Variants in COL23A1 observed in about 807,000 individuals in gnomAD.
The protein encoded by COL23A1 is collagen alpha-1(XXIII) chain.
In COL23A1, 97 loss-of-function variants were observed where a neutral mutation model predicts 99.3. That is an observed-to-expected ratio of 0.98 (90% CI 0.83 to 1.16). COL23A1 has a LOEUF of 1.16. Among genes scored for constraint, COL23A1 ranks in the 50% most tolerant of loss-of-function variants. The pLI, the probability that COL23A1 is intolerant of heterozygous loss-of-function variation, is 0.00. For missense variants in COL23A1, 762 were observed against 757.4 expected (o/e 1.01, Z -0.07); for synonymous variants, 320 against 308.2 (o/e 1.04, Z -0.40).
chr5:178,355,107 T>C (rs1391411783), intron 2 of COL23A1, among the ~76,000 whole-genome samples: 1 of 151,754 alleles, frequency 6.6e-6, no homozygotes. Context: ...ACTGTTTACA[T>C]AGCATTTACA....
chr5:178,526,181 G>A (rs1481507840), intron 2 of COL23A1, among the ~76,000 whole-genome samples: 3 of 152,210 alleles, frequency 2.0e-5, no homozygotes, highest in Non-Finnish European at 2.9e-5. Flanking sequence ...GTCGACTCCT[G>A]TGGGTTTTGC....
intron 1 of COL23A1, among the ~76,000 whole-genome samples, chr5:178,572,602 T>C (rs779199517): frequency 2.6e-5 from 4 of 152,252 alleles, no homozygotes; most frequent in Non-Finnish European, 5.9e-5. Flanking sequence ...AATGATGCGA[T>C]GGCCTTCAGC....
chr5:178,247,406 G>A (rs557678815), intron 22 of COL23A1, 120 bp downstream of exon 22: 2 of 1,158,466 alleles, frequency 1.7e-6, no homozygotes, highest in African/African-American at 1.5e-5. Flanking sequence ...CAGGCGCTGG[G>A]AAGACTCAGG....
chr5:178,514,516 AT>A (rs2127997695), intron 2 of COL23A1, among the ~76,000 whole-genome samples: 1 of 152,302 alleles, frequency 6.6e-6, no homozygotes, highest in Non-Finnish European at 1.5e-5. Flanking sequence ...TCCATTTTGT[AT>A]GTGGAAGCCC....
chr5:178,275,881 C>T (rs538760189), intron 5 of COL23A1, among the ~76,000 whole-genome samples: 1 of 152,192 alleles, frequency 6.6e-6, no homozygotes, highest in South Asian at 2.1e-4. Flanking sequence ...CTCCATGATC[C>T]CCTTAAACAC....
intron 2 of COL23A1, among the ~76,000 whole-genome samples, chr5:178,357,482 A>T (rs146618792): frequency 2.0e-4 from 30 of 152,282 alleles, no homozygotes; most frequent in Non-Finnish European, 4.0e-4. Flanking sequence ...TGCGCCTTTG[A>T]GGTTTTAACC....
At chr5:178,578,782 T>C (rs1279328314) in intron 1 of COL23A1, among the ~76,000 whole-genome samples, 3 of 151,322 alleles carry the variant, frequency 2.0e-5, no homozygotes, top group African/African-American at 4.9e-5. Flanking sequence ...ACCACGAGCA[T>C]TTCGCCGTGT....
At chr5:178,287,546 C>T (rs748536871) in intron 5 of COL23A1, among the ~76,000 whole-genome samples, 2 of 152,016 alleles carry the variant, frequency 1.3e-5, no homozygotes, top group East Asian at 1.9e-4. Context: ...TCCTCTCCTC[C>T]GCTGCAGGAC....
chr5:178,436,980 C>T (rs1766597501), intron 2 of COL23A1, among the ~76,000 whole-genome samples: 1 of 152,204 alleles, frequency 6.6e-6, no homozygotes, highest in Non-Finnish European at 1.5e-5. Context: ...TGCTTGTTTC[C>T]TGGTGATCCC....
chr5:178,505,343 G>A lies in COL23A1; in HGVS notation c.361+55339C>T, dbSNP rs1307750835. On this transcript the variant is annotated intron_variant, in intron 2 of 28. Transcript: ENST00000390654. The stretch of plus-strand genomic sequence containing the variant: ...CAGCTCACGGCAACCTCCACCTCCC[G>A]GGTTCAAGCGATTCTCCTGCCTCAG... Among the ~76,000 whole-genome samples, 4 of 151,924 alleles carry A rather than the reference G, an allele frequency of 2.6e-5. No homozygotes were observed. The East Asian group carries it at 5.8e-4, about 22-fold the overall frequency.
At chr5:178,341,272 G>A (rs959244199) in intron 2 of COL23A1, among the ~76,000 whole-genome samples, 10 of 152,316 alleles carry the variant, frequency 6.6e-5, no homozygotes, top group Middle Eastern at 6.8e-3. Flanking sequence ...CCACAGGTGC[G>A]TGCCACCATG....
chr5:178,249,927 C>T, intron 18 of COL23A1, 134 bp downstream of exon 18: 3 of 1,263,080 alleles, frequency 2.4e-6, no homozygotes, highest in Admixed American at 1.8e-5. Flanking sequence ...TGCCAAAATC[C>T]ATGATTTTTG....
intron 2 of COL23A1, among the ~76,000 whole-genome samples, chr5:178,410,200 T>C (rs951875162): frequency 6.6e-6 from 1 of 152,186 alleles, no homozygotes; most frequent in Non-Finnish European, 1.5e-5. Context: ...GCAATTTACA[T>C]AGAGCAAAAT....
intron 1 of COL23A1, among the ~76,000 whole-genome samples, chr5:178,563,555 A>G (rs1405822623): frequency 8.2e-6 from 1 of 121,348 alleles, no homozygotes; most frequent in African/African-American, 3.2e-5. Flanking sequence ...TTTTTGAGAC[A>G]GGGTCTCACT....
At chr5:178,445,529 C>T (rs959351135) in intron 2 of COL23A1, among the ~76,000 whole-genome samples, 29 of 152,018 alleles carry the variant, frequency 1.9e-4, no homozygotes, top group Admixed American at 6.6e-5. Context: ...TGATGGAAAT[C>T]GTACTAAATT....
chr5:178,324,196 AC>A (rs1759509884), intron 2 of COL23A1, among the ~76,000 whole-genome samples: 1 of 151,712 alleles, frequency 6.6e-6, no homozygotes, highest in Admixed American at 6.6e-5. Context: ...GCTTGGCCCC[AC>A]CCCCGTTTCA....
chr5:178,449,674 A>G (rs1207028351), intron 2 of COL23A1, among the ~76,000 whole-genome samples: 1 of 147,706 alleles, frequency 6.8e-6, no homozygotes, highest in African/African-American at 2.5e-5. Context: ...CCCCCACCCC[A>G]CCCCACCTTT....
chr5:178,317,720 C>T (rs929442231), intron 2 of COL23A1, among the ~76,000 whole-genome samples: 2 of 152,038 alleles, frequency 1.3e-5, no homozygotes, highest in Non-Finnish European at 2.9e-5. Context: ...GGTTGGGGAG[C>T]GTATTAGCCA....
At chr5:178,493,974 C>G (rs1053297630) in intron 2 of COL23A1, among the ~76,000 whole-genome samples, 2 of 151,558 alleles carry the variant, frequency 1.3e-5, no homozygotes, top group Non-Finnish European at 2.9e-5. Flanking sequence ...GAGCCACTAG[C>G]GTGAATGTAG....
Sources: allele counts gnomAD v4.1 joint callset (sites outside exome capture counted in the v4.1 genomes callset), GRCh38; gene constraint gnomAD v4.1.1; transcripts MANE v1.5; gene names NCBI Gene and HGNC (gene_info 2026-07-23, HGNC 2026-07-21).